The following EBF1 variants were observed in gnomAD, a reference collection of about 807,000 sequenced individuals.
The protein encoded by EBF1 is EBF transcription factor 1, also known as transcription factor COE1.
EBF1 carries 10 observed loss-of-function variants against 68.4 expected under a neutral mutation model. The observed-to-expected ratio is 0.15, with a 90% CI of 0.09 to 0.25. EBF1 has a LOEUF of 0.25. Among genes scored for constraint, EBF1 ranks in the 10% least tolerant of loss-of-function variants. EBF1 has a pLI of 1.00. For missense variants in EBF1, 509 were observed against 794.4 expected (o/e 0.64, Z 4.32); for synonymous variants, 298 against 299.8 (o/e 0.99, Z 0.06).
At chr5:158,840,141 T>C (rs1213364048) in intron 6 of EBF1, 31 bp from the exon 7 acceptor site, 2 of 1,578,220 alleles carry the variant, frequency 1.3e-6, no homozygotes, top group Non-Finnish European at 1.7e-6. Context: ...ATGGTTAGCA[T>C]TTCGGTTTCT....
chr5:158,817,225 A>G (rs1783936140), intron 8 of EBF1, among the ~76,000 whole-genome samples: 1 of 149,468 alleles, frequency 6.7e-6, no homozygotes. Context: ...CCTTGCACAC[A>G]GTTTCCTATA....
chr5:158,893,806 T>C (rs569038626), intron 6 of EBF1, among the ~76,000 whole-genome samples: 1 of 152,312 alleles, frequency 6.6e-6, no homozygotes, highest in Non-Finnish European at 1.5e-5. Flanking sequence ...GCCCCATTTA[T>C]CTTCAGCTTT....
chr5:158,708,848 G>A (rs898240287), intron 14 of EBF1, among the ~76,000 whole-genome samples: 3 of 152,286 alleles, frequency 2.0e-5, no homozygotes, highest in Non-Finnish European at 4.4e-5. Context: ...CTTTATAACC[G>A]CCATGGGATA....
In EBF1 at chr5:158,696,632, T is replaced by G. The variant is rs541713867; in HGVS notation, c.*2479A>C. 2.2e-4 allele frequency: 47 copies of G among 214,284 alleles called. 2 individuals carry two copies. The highest frequency in any genetic ancestry group is 1.8e-3 in the Admixed American group (30 of 17,096). The allele number at this position is 214,284 out of a possible 1,614,324, so 13.3% of individuals were successfully genotyped here. On this transcript the variant is annotated 3_prime_UTR_variant, in exon 16 of 16. Coordinates refer to ENST00000313708, the MANE Select transcript of EBF1 (RefSeq NM_024007.5). The stretch of plus-strand genomic sequence containing the variant: ...CGTCCACCTTGCTTACATTTTCCAG[T>G]TTTTTTTATTATTATTAGTCATCAT...
intron 10 of EBF1, among the ~76,000 whole-genome samples, chr5:158,755,589 T>C (rs1769897395): frequency 1.3e-5 from 2 of 152,146 alleles, no homozygotes; most frequent in African/African-American, 4.8e-5. Context: ...TAAATCTTTA[T>C]TGGGATTAAC....
rs368176974 is a variant in EBF1, at chr5:158,922,630, AAAGTT to A, written c.555-82525_555-82521del. 1.8e-3 allele frequency among the ~76,000 whole-genome samples: 280 copies of A among 152,296 alleles called. 1 individual carries two copies. Among genetic ancestry groups the A allele is most frequent in the African/African-American group, 6.6e-3 (274 of 41,552 alleles). ...AAGGGTTGGAAAAGTAGATTTACGG[AAAGTT>A]AAGAAGCTGAAAAACAGCAGGTGGG... On this transcript the variant is annotated intron_variant, in intron 6 of 15. Coordinates refer to ENST00000313708, the MANE Select transcript of EBF1 (RefSeq NM_024007.5).
chr5:158,721,278 A>G (rs1481892050), intron 11 of EBF1, among the ~76,000 whole-genome samples: 1 of 152,196 alleles, frequency 6.6e-6, no homozygotes, highest in Admixed American at 6.5e-5. Flanking sequence ...TGTTAAAAAC[A>G]TGGTATAGGA....
In EBF1 at chr5:158,713,049, G is replaced by T. The variant is rs570120838; in HGVS notation, c.1290C>A (p.His430Gln). Reference sequence around the variant, plus strand: ...ACGAATTCACGCCCATCATCCCTGCGTGGACCGAGGTGTTAGCAAGGGCCG... The same window carrying T: ...ACGAATTCACGCCCATCATCCCTGCTTGGACCGAGGTGTTAGCAAGGGCCG... ...QLPALANTSV[H>Q]AGMMGVNSFS... is the part of the protein sequence containing the mutation. The change falls in exon 13 of 16, where the codon CAC (histidine) becomes CAA (glutamine). Residue 430 changes from histidine to glutamine, a missense_variant. By Grantham distance (24) the His-to-Gln change is conservative (BLOSUM62 0). Around this residue, in one of 3 missense-constraint regions of EBF1, gnomAD observed 205 missense variants for 247.4 expected, o/e 0.83. Coordinates refer to ENST00000313708, the MANE Select transcript of EBF1 (RefSeq NM_024007.5). 20 of 1,598,844 alleles carry T rather than the reference G, an allele frequency of 1.3e-5. No individual in the cohort carries two copies. The highest frequency in any genetic ancestry group is 1.5e-5 in the Non-Finnish European group (18 of 1,171,468).
At chr5:158,713,232 C>G in intron 12 of EBF1, 85 bp from the exon 13 acceptor site, 1 of 1,207,444 alleles carries the variant, frequency 8.3e-7, no homozygotes, top group African/African-American at 1.6e-5. Context: ...GTACCGTGCT[C>G]AGGGTTTTCA....
intron 6 of EBF1, among the ~76,000 whole-genome samples, chr5:158,976,732 A>G (rs1054837044): frequency 5.3e-5 from 8 of 152,222 alleles, no homozygotes; most frequent in African/African-American, 1.4e-4. Context: ...AAGCCAGTCA[A>G]TATCTTTGAG....
chr5:158,894,823 C>T (rs1801859199), intron 6 of EBF1, among the ~76,000 whole-genome samples: 1 of 152,140 alleles, frequency 6.6e-6, no homozygotes, highest in South Asian at 2.1e-4. Context: ...GGCCAGTGCA[C>T]AGAAAAGCTT....
intron 6 of EBF1, among the ~76,000 whole-genome samples, chr5:158,985,324 G>C (rs1758810854): frequency 6.6e-6 from 1 of 152,140 alleles, no homozygotes; most frequent in South Asian, 2.1e-4. Flanking sequence ...TTGACCATAA[G>C]GTGAAAAAGT....
chr5:158,946,886 A>G (rs1372835598), intron 6 of EBF1, among the ~76,000 whole-genome samples: 3 of 152,236 alleles, frequency 2.0e-5, no homozygotes, highest in South Asian at 4.1e-4. Context: ...TGCCCTGCCC[A>G]GAGAGGAGGA....
chr5:159,003,839 G>T (rs542366203), intron 6 of EBF1, among the ~76,000 whole-genome samples: 1 of 152,188 alleles, frequency 6.6e-6, no homozygotes. Flanking sequence ...TACACAAGTG[G>T]CTCCTTTGAG....
At chr5:159,097,534 C>A (rs1782870225) in intron 1 of EBF1, 3 of 248,872 alleles carry the variant, frequency 1.2e-5, no homozygotes, top group Non-Finnish European at 2.3e-5. Context: ...TCGAATCTCA[C>A]GTCTCAGCTA....
intron 10 of EBF1, among the ~76,000 whole-genome samples, chr5:158,755,893 T>C (rs1392903226): frequency 6.6e-6 from 1 of 152,172 alleles, no homozygotes; most frequent in African/African-American, 2.4e-5. Flanking sequence ...CCTATGATTC[T>C]GAACGAAATA....
Position 158,955,475 on chromosome 5 carries a change from T to C in EBF1, c.555-115365A>G, listed in dbSNP as rs371667427. 9.2e-5 allele frequency among the ~76,000 whole-genome samples: 14 copies of C among 152,242 alleles called. No homozygotes were observed. In the South Asian group the frequency reaches 2.5e-3, roughly 27 times the overall value. The stretch of plus-strand genomic sequence containing the variant: ...CACCTTCTGCTTTTCATATCAACAA[T>C]GGCCATATCTCACTGCTCCTCTCTT... On this transcript the variant is annotated intron_variant, in intron 6 of 15. Transcript: ENST00000313708.
chr5:158,950,896 G>C (rs1815818454), intron 6 of EBF1, among the ~76,000 whole-genome samples: 1 of 152,164 alleles, frequency 6.6e-6, no homozygotes, highest in African/African-American at 2.4e-5. Context: ...GGGCTACTTA[G>C]CTCTGGCCAA....
In EBF1 at chr5:158,823,333, A is replaced by C; in HGVS notation, c.637-16T>G. 1.9e-6 allele frequency: 3 copies of C among 1,595,180 alleles called. No homozygotes were observed. The highest frequency in any genetic ancestry group is 2.6e-6 in the Non-Finnish European group (3 of 1,170,644). On this transcript the variant is annotated splice_polypyrimidine_tract_variant and intron_variant, in intron 7 of 15. Coordinates refer to ENST00000313708, the MANE Select transcript of EBF1 (RefSeq NM_024007.5). ...ACACCACGACCTGGAGACATAAGAA[A>C]GAAATGAATGAACATTTTAATATAA...
Sources: allele counts gnomAD v4.1 joint callset (sites outside exome capture counted in the v4.1 genomes callset), GRCh38; gene constraint gnomAD v4.1.1; regional missense constraint gnomAD v4.1.1; transcripts MANE v1.5; gene names NCBI Gene and HGNC (gene_info 2026-07-23, HGNC 2026-07-21).